FAM81A: variants seen among roughly 807,000 people sequenced by gnomAD.
The protein encoded by FAM81A is family with sequence similarity 81 member A.
Under a neutral mutation model 46.7 loss-of-function variants are expected in FAM81A, and 19 were observed. That is an observed-to-expected ratio of 0.41 (90% CI 0.28 to 0.60). The LOEUF is 0.60. Among genes scored for constraint, FAM81A ranks in the 20% least tolerant of loss-of-function variants. FAM81A has a pLI of 0.34. For missense variants in FAM81A, 377 were observed against 453.5 expected (o/e 0.83, Z 1.53); for synonymous variants, 183 against 152.9 (o/e 1.20, Z -1.45).
intron 1 of FAM81A, chr15:59,401,691 T>G (rs2081071062): frequency 1.0e-5 from 8 of 785,322 alleles, no homozygotes. Flanking sequence ...TTGATCATAC[T>G]GGAAAGTACT....
intron 1 of FAM81A, among the ~76,000 whole-genome samples, chr15:59,449,739 G>A (rs1219973591): frequency 2.3e-5 from 3 of 128,140 alleles, no homozygotes; most frequent in East Asian, 2.4e-4. Context: ...CCGAGATCGC[G>A]CCACTGCACT....
At chr15:59,417,202 T>C (rs1474479318) in intron 2 of FAM81A, among the ~76,000 whole-genome samples, 27 of 152,238 alleles carry the variant, frequency 1.8e-4, no homozygotes, top group African/African-American at 6.0e-4. Context: ...GCGTGCTGAA[T>C]ACCCAGGCTG....
intron 5 of FAM81A, among the ~76,000 whole-genome samples, 162 bp from the exon 6 acceptor site, chr15:59,508,701 G>C (rs2082174393): frequency 6.6e-6 from 1 of 152,138 alleles, no homozygotes; most frequent in African/African-American, 2.4e-5. Context: ...GGGTATATAA[G>C]AAAGAAAATG....
intron 2 of FAM81A, chr15:59,407,608 T>A (rs1039776870): frequency 6.2e-6 from 1 of 161,916 alleles, no homozygotes; most frequent in East Asian, 1.9e-4. Flanking sequence ...CATCACCCAC[T>A]TTCCAGATGA....
intron 3 of FAM81A, among the ~76,000 whole-genome samples, chr15:59,487,038 G>A (rs1174230243): frequency 5.3e-5 from 8 of 151,622 alleles, no homozygotes; most frequent in Admixed American, 5.3e-4. Context: ...ATCTTAAATA[G>A]AAAGATGAAA....
Position 59,458,776 on chromosome 15 carries a change from C to G in FAM81A, c.20+130C>G, listed in dbSNP as rs185092645. On this transcript the variant is annotated intron_variant, in intron 2 of 8. Transcript: ENST00000288228. ...GGCAAGAGAAACACTATTGTGTCCT[C>G]TAGCTTTCAATTTATAGGATACTGT... 1.8e-3 allele frequency: 1,543 copies of G among 835,094 alleles called. 6 individuals carry two copies. The highest frequency in any genetic ancestry group is 1.5e-3 in the Non-Finnish European group (757 of 503,268). The allele number at this position is 835,094 out of a possible 1,614,324, so 51.7% of individuals were successfully genotyped here. A position where few individuals can be genotyped will look rare whatever the true frequency, so the allele number is the denominator to read the frequency against.
intron 2 of FAM81A, among the ~76,000 whole-genome samples, chr15:59,419,485 C>T (rs1043165955): frequency 6.6e-6 from 1 of 152,182 alleles, no homozygotes; most frequent in Non-Finnish European, 1.5e-5. Flanking sequence ...TCTTTTCTGA[C>T]CTTCTACAGT....
At chr15:59,402,533 T>C (rs1287095888) in intron 2 of FAM81A, among the ~76,000 whole-genome samples, 3 of 152,178 alleles carry the variant, frequency 2.0e-5, no homozygotes, top group African/African-American at 7.2e-5. Context: ...TTTTAAATTA[T>C]TATTATTTAA....
chr15:59,402,964 A>G (rs2081078520), intron 2 of FAM81A, among the ~76,000 whole-genome samples: 1 of 152,180 alleles, frequency 6.6e-6, no homozygotes, highest in African/African-American at 2.4e-5. Context: ...TGTTGTTACT[A>G]CAGTGAACTG....
intron 4 of FAM81A, among the ~76,000 whole-genome samples, chr15:59,504,967 C>G (rs1159132110): frequency 1.3e-5 from 2 of 152,178 alleles, no homozygotes; most frequent in South Asian, 4.1e-4. Context: ...CATTGAACAT[C>G]TTAAAATTCA....
At chr15:59,440,556 A>G (rs1270612859) in intron 1 of FAM81A, among the ~76,000 whole-genome samples, 1 of 152,172 alleles carries the variant, frequency 6.6e-6, no homozygotes, top group Non-Finnish European at 1.5e-5. Context: ...AAGTTCCTCA[A>G]CATCTATCCC....
rs183194042 is a variant in FAM81A, at chr15:59,518,034, G to A, written c.982+1194G>A. Among the ~76,000 whole-genome samples, 500 of 150,664 alleles carry A rather than the reference G, an allele frequency of 3.3e-3. 1 individual carries two copies. The highest frequency in any genetic ancestry group is 0.01 in the Middle Eastern group (3 of 290). On this transcript the variant is annotated intron_variant, in intron 8 of 8. Transcript: ENST00000288228. The stretch of plus-strand genomic sequence containing the variant: ...TGTTGCCAGCCTGGAGTGCAGTGGC[G>A]TGATCTTGGCTCACTGCAACCTCTG...
At chr15:59,479,999 G>A (rs2081829543) in intron 3 of FAM81A, among the ~76,000 whole-genome samples, 1 of 152,184 alleles carries the variant, frequency 6.6e-6, no homozygotes, top group South Asian at 2.1e-4. Context: ...AATTGAAGCA[G>A]GGAGTCAAGT....
chr15:59,480,135 T>C (rs2081831272), intron 3 of FAM81A, among the ~76,000 whole-genome samples: 1 of 152,162 alleles, frequency 6.6e-6, no homozygotes, highest in Non-Finnish European at 1.5e-5. Flanking sequence ...GAGACTTCTA[T>C]CAAATGGTGG....
rs539159289 is a variant in FAM81A, at chr15:59,449,587, C to A, written c.-77-8963C>A. 9.3e-4 allele frequency among the ~76,000 whole-genome samples: 141 copies of A among 152,162 alleles called. 4 individuals carry two copies. Among genetic ancestry groups the A allele is most frequent in the Admixed American group, 2.3e-3 (35 of 15,288 alleles). On this transcript the variant is annotated intron_variant, in intron 1 of 8. Coordinates refer to ENST00000288228, the MANE Select transcript of FAM81A (RefSeq NM_152450.3). The stretch of plus-strand genomic sequence containing the variant: ...ACGAGGTCAGGAGATCGAGACCATC[C>A]TGGCTAACACAGTGAAACCCCGTCT...
rs1392948938 is a variant in FAM81A at position 59,449,530 on chromosome 15, C to G, written c.-77-9020C>G. 3.9e-5 allele frequency among the ~76,000 whole-genome samples: 6 copies of G among 152,082 alleles called. No homozygotes were observed. The East Asian group carries it at 1.2e-3, about 29-fold the overall frequency. On this transcript the variant is annotated intron_variant, in intron 1 of 8. Coordinates refer to ENST00000288228, the MANE Select transcript of FAM81A (RefSeq NM_152450.3). ...GGCACGGTGGCTCACGCCTGTAATC[C>G]CAGCACTTTGGGAGGCCAAGGCGGG...
chr15:59,509,650 C>T (rs1379844899), intron 6 of FAM81A, among the ~76,000 whole-genome samples: 1 of 152,056 alleles, frequency 6.6e-6, no homozygotes, highest in East Asian at 1.9e-4. Flanking sequence ...CACATGAGGC[C>T]ACTAGAATGA....
chr15:59,454,542 T>C (rs1437891622), intron 1 of FAM81A, among the ~76,000 whole-genome samples: 1 of 152,186 alleles, frequency 6.6e-6, no homozygotes, highest in Admixed American at 6.5e-5. Context: ...ATCATTTTGA[T>C]TTAGATAATA....
chr15:59,422,240 T>C lies in FAM81A; in HGVS notation c.-78+19882T>C, dbSNP rs183550482. On this transcript the variant is annotated intron_variant, in intron 2 of 4. Transcript: ENST00000558348. ...TGTCTCTACACAAAATAAAAAGAAT[T>C]AGCCAGGCATGGTGACACATGCTTG... Among the ~76,000 whole-genome samples, 386 of 151,950 alleles carry C rather than the reference T, an allele frequency of 2.5e-3. 1 individual carries two copies. Among genetic ancestry groups the C allele is most frequent in the African/African-American group, 8.5e-3 (352 of 41,466 alleles).
Sources: gnomAD v4.1 joint callset for allele counts (sites outside exome capture counted in the v4.1 genomes callset) on GRCh38, gnomAD v4.1.1 for gene constraint, MANE v1.5 for transcripts, NCBI Gene and HGNC (gene_info 2026-07-23, HGNC 2026-07-21) for gene names.